DDHD1: variants seen among roughly 807,000 people sequenced by gnomAD.
DDHD1 encodes the protein DDHD domain containing 1.
A neutral mutation model predicts 96.4 loss-of-function variants in DDHD1; 49 were observed. The ratio of observed to expected loss-of-function variants is 0.51; its 90% CI spans 0.40 to 0.64. The LOEUF (loss-of-function observed/expected upper bound fraction) is 0.64. Among genes scored for constraint, DDHD1 ranks in the 30% least tolerant of loss-of-function variants. The pLI is 0.00. For missense variants in DDHD1, 1,106 were observed against 1,161.2 expected, an observed-to-expected ratio of 0.95 and a Z score of 0.69; for synonymous variants, 442 against 446.5, an observed-to-expected ratio of 0.99 and a Z score of 0.13.
chr14:53,130,436 G>A (rs966333251), intron 1 of DDHD1, among the ~76,000 whole-genome samples: 2 of 152,102 alleles, frequency 1.3e-5, no homozygotes, highest in Non-Finnish European at 2.9e-5. Flanking sequence ...ACCCAGAGGG[G>A]CCAGAAGTCC....
At chr14:53,075,310 A>C (rs1884861973) in intron 4 of DDHD1, among the ~76,000 whole-genome samples, 1 of 152,084 alleles carries the variant, frequency 6.6e-6, no homozygotes, top group Non-Finnish European at 1.5e-5. Context: ...GTGAACACAC[A>C]AATAAGAAAA....
intron 4 of DDHD1, among the ~76,000 whole-genome samples, chr14:53,074,762 A>C (rs982668499): frequency 6.6e-6 from 1 of 152,142 alleles, no homozygotes; most frequent in African/African-American, 2.4e-5. Context: ...ATTTTTTAAA[A>C]AATTGCACTC....
chr14:53,137,592 A>AAAAAAT (rs539044681), intron 1 of DDHD1, among the ~76,000 whole-genome samples: 1,854 of 152,042 alleles, frequency 0.012, 42 homozygotes, highest in African/African-American at 0.038. Context: ...ACTCTTTCTC[A>AAAAAAT]AAAAATAAAA....
At chr14:53,152,113 GCTCCCTGCTC>G in intron 1 of DDHD1, 138 bp downstream of exon 1, 8 of 833,698 alleles carry the variant, frequency 9.6e-6, no homozygotes, top group Admixed American at 3.2e-5. Flanking sequence ...AGCTGCCGAC[GCTCCCTGCTC>G]AATCTCCATC....
chr14:53,101,275 A>T (rs1826683625), intron 2 of DDHD1, among the ~76,000 whole-genome samples: 1 of 152,146 alleles, frequency 6.6e-6, no homozygotes, highest in Admixed American at 6.5e-5. Flanking sequence ...TTTCCTTAAG[A>T]CTTGTTATTA....
At chr14:53,148,381 C>T (rs183070655) in intron 1 of DDHD1, among the ~76,000 whole-genome samples, 1 of 151,310 alleles carries the variant, frequency 6.6e-6, no homozygotes, top group East Asian at 1.9e-4. Flanking sequence ...GTCACAATTT[C>T]GCCTCACTGC....
At chr14:53,118,774 A>C (rs533453261) in intron 1 of DDHD1, among the ~76,000 whole-genome samples, 86 of 152,340 alleles carry the variant, frequency 5.6e-4, no homozygotes, top group African/African-American at 2.0e-3. Flanking sequence ...CCATCCTAGC[A>C]AGGCAGGCCA....
chr14:53,134,479 A>G (rs978612170), intron 1 of DDHD1, among the ~76,000 whole-genome samples: 1 of 151,442 alleles, frequency 6.6e-6, no homozygotes, highest in Non-Finnish European at 1.5e-5. Context: ...TATCTCCACC[A>G]CACTATCAAT....
chr14:53,086,517 A>G (rs372955562), intron 4 of DDHD1, among the ~76,000 whole-genome samples: 6 of 152,082 alleles, frequency 3.9e-5, no homozygotes, highest in African/African-American at 1.2e-4. Flanking sequence ...TAAAGAAAAG[A>G]ATTTTCAACC....
At position 53,152,769 on chromosome 14, in the gene DDHD1, G is replaced by GCCGCCA. The variant is rs1261079785; in HGVS notation, c.329_330insTGGCGG (p.Gly111_Gly112dup). 1 of 1,602,500 alleles carries GCCGCCA rather than the reference G, an allele frequency of 6.2e-7. No individual in the cohort carries two copies. Among genetic ancestry groups the GCCGCCA allele is most frequent in the Non-Finnish European group, 8.5e-7 (1 of 1,175,772 alleles). On this transcript the variant is annotated inframe_insertion, in exon 1 of 13. Coordinates refer to ENST00000673822, the MANE Select transcript of DDHD1 (RefSeq NM_001160148.2). ...GGTGCAGCGACAAGGAGCTGCCGCC[G>GCCGCCA]CCGCCGCTCTCACCCTCGCTGTAGT... is the stretch of plus-strand genomic sequence containing the variant.
intron 4 of DDHD1, among the ~76,000 whole-genome samples, chr14:53,091,322 A>C (rs570492473): frequency 6.6e-6 from 1 of 152,326 alleles, no homozygotes; most frequent in African/African-American, 2.4e-5. Context: ...TTGGTAAATA[A>C]TCCACTGTTT....
At chr14:53,131,462 C>T (rs1160448826) in intron 1 of DDHD1, among the ~76,000 whole-genome samples, 2 of 152,176 alleles carry the variant, frequency 1.3e-5, no homozygotes, top group African/African-American at 4.8e-5. Context: ...CCTTCCCATC[C>T]ATCCTATGGT....
At chr14:53,098,363 T>C (rs1887045325) in intron 2 of DDHD1, among the ~76,000 whole-genome samples, 1 of 152,010 alleles carries the variant, frequency 6.6e-6, no homozygotes, top group Non-Finnish European at 1.5e-5. Context: ...ACTTTCTGCA[T>C]TATATAACTC....
Position 53,041,729 on chromosome 14 carries a change from G to A in DDHD1, c.*5039C>T, listed in dbSNP as rs1881665940. 6.6e-6 allele frequency: 1 copy of A among 151,928 alleles called. No homozygotes were observed. Among genetic ancestry groups the A allele is most frequent in the Admixed American group, 6.6e-5 (1 of 15,234 alleles). 9.4% of individuals were successfully genotyped at this position (151,928 alleles called of 1,614,324 possible). Reference sequence around the variant, plus strand: ...TTTTCCTGGGTATTTTGAATCTGAGGCATAAACGGAAGTCTGTCCAGACCT... The same window carrying A: ...TTTTCCTGGGTATTTTGAATCTGAGACATAAACGGAAGTCTGTCCAGACCT... On this transcript the variant is annotated 3_prime_UTR_variant, in exon 13 of 13. Coordinates refer to ENST00000673822, the MANE Select transcript of DDHD1 (RefSeq NM_001160148.2).
rs201352854 is a variant in DDHD1 at position 53,102,709 on chromosome 14, CAAG to C, written c.1012+971_1012+973del. On this transcript the variant is annotated intron_variant, in intron 2 of 12. Transcript: ENST00000673822. Reference sequence around the variant, plus strand: ...GAGAAAAAATATGGAGTGTTACTAACAAGAAGAAGAAAAAAATCCCCTGCCAAC... The same window carrying C: ...GAGAAAAAATATGGAGTGTTACTAACAAGAAGAAAAAAATCCCCTGCCAAC... Among the ~76,000 whole-genome samples the C allele has an allele frequency of 0.019, 2,937 of 151,736 alleles. 101 individuals are homozygous for C. The highest frequency in any genetic ancestry group is 0.068 in the African/African-American group (2,814 of 41,406).
At chr14:53,070,805 G>A (rs1295001874) in intron 6 of DDHD1, among the ~76,000 whole-genome samples, 1 of 152,096 alleles carries the variant, frequency 6.6e-6, no homozygotes, top group Non-Finnish European at 1.5e-5. Context: ...TAAGAAATCT[G>A]AGATCTTTGT....
rs943322491 is a variant in DDHD1 at position 53,152,535 on chromosome 14, G to C, written c.564C>G (p.Leu188=). The C allele has an allele frequency of 7.4e-6, 12 of 1,613,432 alleles. No homozygotes were observed. The highest frequency in any genetic ancestry group is 1.0e-5 in the Non-Finnish European group (12 of 1,179,948). Reference sequence around the variant, plus strand: ...GGGTCCGGAAGGCGAGCTCGATGCGGAGCGAGTCGTAGCCGATGAAGGGCT... The same window carrying C: ...GGGTCCGGAAGGCGAGCTCGATGCGCAGCGAGTCGTAGCCGATGAAGGGCT... ...TWKPFIGYDS[L]RIELAFRTLL... Residue 188 remains leucine, a synonymous_variant, in exon 1 of 13, where the codon CTC becomes CTG. Transcript: ENST00000673822.
At chr14:53,081,816 T>C (rs1467864937) in intron 4 of DDHD1, among the ~76,000 whole-genome samples, 1 of 151,816 alleles carries the variant, frequency 6.6e-6, no homozygotes, top group Non-Finnish European at 1.5e-5. Context: ...CAAACAGGTA[T>C]GTCTACTGAA....
chr14:53,111,640 C>T (rs1888113800), intron 1 of DDHD1, among the ~76,000 whole-genome samples: 1 of 151,968 alleles, frequency 6.6e-6, no homozygotes, highest in African/African-American at 2.4e-5. Context: ...TATTACCCCC[C>T]CCCAAAAAAA....
Sources: allele counts gnomAD v4.1 joint callset (sites outside exome capture counted in the v4.1 genomes callset), GRCh38; gene constraint gnomAD v4.1.1; transcripts MANE v1.5; gene names NCBI Gene and HGNC (gene_info 2026-07-23, HGNC 2026-07-21).